Variants in UMAD1 observed in about 807,000 individuals in gnomAD.
The protein encoded by UMAD1 is UBAP1-MVB12-associated (UMA)-domain containing protein 1.
UMAD1 carries 8 observed loss-of-function variants against 6.1 expected under a neutral mutation model. That is an observed-to-expected ratio of 1.30 (90% CI 0.76 to 2.35). The LOEUF is 2.35. UMAD1 is among the 30% of genes most tolerant of loss of function. UMAD1 has a pLI of 0.00. For missense variants in UMAD1, 130 were observed against 78.4 expected, an observed-to-expected ratio of 1.66 and a Z score of -2.49; for synonymous variants, 56 against 31.4, an observed-to-expected ratio of 1.78 and a Z score of -2.61.
chr7:7,649,842 C>T (rs1479464451), intron 1 of UMAD1, among the ~76,000 whole-genome samples: 3 of 152,134 alleles, frequency 2.0e-5, no homozygotes, highest in Non-Finnish European at 4.4e-5. Context: ...GAATTGGATT[C>T]ATGCCCTTAT....
chr7:7,801,345 T>C (rs889619034), intron 2 of UMAD1, among the ~76,000 whole-genome samples: 5 of 152,226 alleles, frequency 3.3e-5, no homozygotes, highest in African/African-American at 1.2e-4. Context: ...TCAACATAAT[T>C]TGCCTTAAGT....
At position 7,872,867 on chromosome 7, in the gene UMAD1, C is replaced by A. The variant is rs369822163; in HGVS notation, c.157-4414C>A. On this transcript the variant is annotated intron_variant, in intron 3 of 3. Coordinates refer to ENST00000682710, the MANE Select transcript of UMAD1 (RefSeq NM_001302348.2). ...GAAAGTTTGAGTGGGATGAGACTAC[C>A]AGATCTAGGGAACATTTACACATGA... Among the ~76,000 whole-genome samples the A allele has an allele frequency of 9.2e-5, 14 of 152,176 alleles. 1 individual carries two copies. Among genetic ancestry groups the A allele is most frequent in the African/African-American group, 3.1e-4 (13 of 41,518 alleles).
rs570595490 is a variant in UMAD1, at chr7:7,669,138, C to G, written c.-63-4171C>G. ...ATGAAGCAACATTACTTGGGGGAAC[C>G]TTTTGTATAGGAAAAAACATACTGT... is the stretch of plus-strand genomic sequence containing the variant. On this transcript the variant is annotated intron_variant, in intron 1 of 3. Transcript: ENST00000682710. Among the ~76,000 whole-genome samples, 67 of 151,908 alleles carry G rather than the reference C, an allele frequency of 4.4e-4. 1 individual carries two copies. The highest frequency in any genetic ancestry group is 1.6e-3 in the African/African-American group (67 of 41,416).
intron 3 of UMAD1, among the ~76,000 whole-genome samples, chr7:7,839,707 A>G (rs1783640672): frequency 6.6e-6 from 1 of 152,242 alleles, no homozygotes; most frequent in Non-Finnish European, 1.5e-5. Flanking sequence ...GAAGCAATGC[A>G]ATCTACAAAT....
intron 2 of UMAD1, among the ~76,000 whole-genome samples, chr7:7,719,748 G>T (rs540077591): frequency 6.6e-6 from 1 of 152,160 alleles, no homozygotes; most frequent in South Asian, 2.1e-4. Context: ...AGAATAATGT[G>T]GAAAGAAAGT....
chr7:7,666,011 C>A (rs1455044486), intron 1 of UMAD1, among the ~76,000 whole-genome samples: 1 of 151,476 alleles, frequency 6.6e-6, no homozygotes, highest in Non-Finnish European at 1.5e-5. Flanking sequence ...AAGTGTGGAC[C>A]TACGTTTTCA....
Position 7,830,477 on chromosome 7 carries a change from C to G in UMAD1, c.156+28734C>G, listed in dbSNP as rs1783441560. ...AAAAATTATATGTTTTGGTTTCTCT[C>G]TTTTGTATCTTTCTCTTTCTTTTCC... On this transcript the variant is annotated intron_variant, in intron 3 of 3. Transcript: ENST00000682710. This position sits in a 1 kb window ranked among gnomAD's most constrained non-coding sequence, Gnocchi z 5.3. Among the ~76,000 whole-genome samples, 1 of 151,994 alleles carries G rather than the reference C, an allele frequency of 6.6e-6. No homozygotes were observed. Among genetic ancestry groups the G allele is most frequent in the South Asian group, 2.1e-4 (1 of 4,826 alleles).
At chr7:7,873,341 G>T (rs965844615) in intron 3 of UMAD1, among the ~76,000 whole-genome samples, 3 of 152,072 alleles carry the variant, frequency 2.0e-5, no homozygotes, top group Non-Finnish European at 4.4e-5. Flanking sequence ...GCACCCAAAC[G>T]TTGCTTCCCT....
chr7:7,652,503 T>C (rs28916273), intron 1 of UMAD1, among the ~76,000 whole-genome samples: 1 of 152,242 alleles, frequency 6.6e-6, no homozygotes, highest in African/African-American at 2.4e-5. Flanking sequence ...AGAATGTGAG[T>C]AACATTTTGC....
intron 1 of UMAD1, among the ~76,000 whole-genome samples, chr7:7,657,415 A>C (rs1446766836): frequency 6.6e-6 from 1 of 152,162 alleles, no homozygotes; most frequent in Non-Finnish European, 1.5e-5. Context: ...GGTATTGCCT[A>C]GGTTTTCTTC....
chr7:7,780,270 G>C (rs74918742), intron 2 of UMAD1, among the ~76,000 whole-genome samples: 1 of 152,078 alleles, frequency 6.6e-6, no homozygotes, highest in Non-Finnish European at 1.5e-5. Flanking sequence ...GAGACCATAG[G>C]GGTATTTCCC....
chr7:7,782,681 G>C (rs138344428), intron 2 of UMAD1, among the ~76,000 whole-genome samples: 13 of 150,544 alleles, frequency 8.6e-5, no homozygotes, highest in African/African-American at 3.2e-4. Context: ...GTTATTGACC[G>C]TCTGTGCCTA....
At chr7:7,755,498 C>G (rs1169424898) in intron 2 of UMAD1, among the ~76,000 whole-genome samples, 1 of 152,178 alleles carries the variant, frequency 6.6e-6, no homozygotes, top group Non-Finnish European at 1.5e-5. Flanking sequence ...TAAATTTTCT[C>G]TTTCACATCT....
At chr7:7,832,624 A>G (rs1420054512) in intron 3 of UMAD1, among the ~76,000 whole-genome samples, 1 of 152,170 alleles carries the variant, frequency 6.6e-6, no homozygotes, top group Non-Finnish European at 1.5e-5. Context: ...GGCCTCTTTT[A>G]AGACAGCTAC....
intron 3 of UMAD1, among the ~76,000 whole-genome samples, chr7:7,871,996 A>G (rs1262201315): frequency 1.3e-5 from 2 of 151,958 alleles, no homozygotes; most frequent in African/African-American, 4.8e-5. Flanking sequence ...CACATCAAGA[A>G]TCTCCCCTCC....
intron 3 of UMAD1, among the ~76,000 whole-genome samples, chr7:7,821,146 C>A (rs1340845229): frequency 1.3e-5 from 2 of 152,058 alleles, no homozygotes; most frequent in Non-Finnish European, 2.9e-5. Flanking sequence ...CGCAGGAAAA[C>A]ATTAGGTAGT....
At chr7:7,835,765 T>A (rs1783557579) in intron 3 of UMAD1, among the ~76,000 whole-genome samples, 1 of 151,978 alleles carries the variant, frequency 6.6e-6, no homozygotes, top group Non-Finnish European at 1.5e-5. Context: ...TTACATCAGT[T>A]ATCTTATTTT....
chr7:7,685,193 G>C (rs968778886), intron 2 of UMAD1, among the ~76,000 whole-genome samples: 6 of 152,000 alleles, frequency 3.9e-5, no homozygotes, highest in Non-Finnish European at 7.4e-5. Context: ...GGTAATCTTA[G>C]TACTACAATA....
At chr7:7,854,420 G>C (rs1298847013) in intron 3 of UMAD1, among the ~76,000 whole-genome samples, 2 of 150,840 alleles carry the variant, frequency 1.3e-5, no homozygotes, top group African/African-American at 4.9e-5. Context: ...CGTAGCTGAG[G>C]AGGCCTCAGA....
Sources: allele counts gnomAD v4.1 joint callset (sites outside exome capture counted in the v4.1 genomes callset), GRCh38; gene constraint gnomAD v4.1.1; non-coding constraint Gnocchi (gnomAD v3.1); transcripts MANE v1.5; gene names NCBI Gene and HGNC (gene_info 2026-07-23, HGNC 2026-07-21).